The following LRRK2 variants were observed in gnomAD, a reference collection of about 807,000 sequenced individuals.
LRRK2 encodes leucine-rich repeat serine/threonine-protein kinase 2.
A neutral mutation model predicts 302.6 loss-of-function variants in LRRK2; 203 were observed. That is an observed-to-expected ratio of 0.67 (90% confidence interval 0.60 to 0.75). The LOEUF (loss-of-function observed/expected upper bound fraction) is 0.75. Among genes scored for constraint, LRRK2 ranks in the 30% least tolerant of loss-of-function variants. The pLI, the probability that LRRK2 is intolerant of heterozygous loss-of-function variation, is 0.00. For missense variants in LRRK2, 2,830 were observed against 2,951.0 expected (o/e 0.96, Z 0.95); for synonymous variants, 1,066 against 1,031.9 (o/e 1.03, Z -0.63).
rs1409731311 is a variant in LRRK2, at chr12:40,225,641, G to A, written c.237+1G>A. The A allele has an allele frequency of 6.2e-7, 1 of 1,611,406 alleles. No individual in the cohort carries two copies. The highest frequency in any genetic ancestry group is 8.5e-7 in the Non-Finnish European group (1 of 1,177,642). ...TATGAGAGTCGCGAGTGTGCAGCAG[G>A]TAAAGGCATTGTTTTCACTTCAACT... On this transcript the variant is annotated splice_donor_variant, in intron 2 of 50. Transcript: ENST00000298910. LOFTEE classifies it high-confidence loss of function.
chr12:40,249,775 A>T, intron 7 of LRRK2, 51 bp from the exon 8 acceptor site: 1 of 1,591,204 alleles, frequency 6.3e-7, no homozygotes. Context: ...TGTTAAAGGT[A>T]ATTTAACTTC....
intron 43 of LRRK2, among the ~76,000 whole-genome samples, chr12:40,350,519 A>T (rs1946318987): frequency 6.6e-6 from 1 of 152,088 alleles, no homozygotes; most frequent in Non-Finnish European, 1.5e-5. Context: ...CTGAAAGAGA[A>T]CTCTTGTCAT....
intron 45 of LRRK2, among the ~76,000 whole-genome samples, chr12:40,355,515 C>CCCTCCCTCCCTT (rs1946502687): frequency 2.2e-5 from 1 of 46,248 alleles, no homozygotes; most frequent in Non-Finnish European, 6.7e-5. Context: ...ATCCCTCCCT[C>CCCTCCCTCCCTT]CCTCCCTCCC....
chr12:40,310,849 A>G (rs1043257774), intron 31 of LRRK2, among the ~76,000 whole-genome samples, 200 bp downstream of exon 31: 2 of 152,090 alleles, frequency 1.3e-5, no homozygotes, highest in African/African-American at 4.8e-5. Context: ...GGAACAAAAA[A>G]TAATTAGAGG....
intron 44 of LRRK2, among the ~76,000 whole-genome samples, chr12:40,353,453 C>T (rs1485429052): frequency 1.3e-5 from 2 of 151,126 alleles, no homozygotes; most frequent in Non-Finnish European, 2.9e-5. Flanking sequence ...CTCATCACTT[C>T]CTAGACGGGA....
At chr12:40,301,993 A>G (rs1944646134) in intron 25 of LRRK2, among the ~76,000 whole-genome samples, 1 of 152,140 alleles carries the variant, frequency 6.6e-6, no homozygotes, top group Admixed American at 6.6e-5. Context: ...CCTGGCTAAC[A>G]TGGTGAAACC....
At chr12:40,232,223 C>A in intron 2 of LRRK2, 51 bp from the exon 3 acceptor site, 1 of 1,258,514 alleles carries the variant, frequency 7.9e-7, no homozygotes, top group Non-Finnish European at 1.2e-6. Flanking sequence ...ACTGAGTATG[C>A]TCTATTAACA....
At chr12:40,294,819 T>A (rs1364011128) in intron 21 of LRRK2, 26 bp from the exon 22 acceptor site, 19 of 1,323,164 alleles carry the variant, frequency 1.4e-5, no homozygotes, top group Non-Finnish European at 1.8e-5. Context: ...ATGACAGCAA[T>A]TTTATTATAA....
At chr12:40,278,357 C>A in intron 18 of LRRK2, 96 bp downstream of exon 18, 1 of 1,438,498 alleles carries the variant, frequency 7.0e-7, no homozygotes, top group East Asian at 2.3e-5. Flanking sequence ...TCATATTATT[C>A]TTCACTACAG....
chr12:40,266,283 A>G (rs1024144639), intron 14 of LRRK2, among the ~76,000 whole-genome samples: 1 of 152,166 alleles, frequency 6.6e-6, no homozygotes, highest in African/African-American at 2.4e-5. Context: ...TAGAATCTAC[A>G]ATGAACTCCA....
At chr12:40,229,800 T>G (rs544068776) in intron 2 of LRRK2, among the ~76,000 whole-genome samples, 1 of 152,344 alleles carries the variant, frequency 6.6e-6, no homozygotes, top group African/African-American at 2.4e-5. Context: ...AGATTCTATT[T>G]AATCACAGAA....
At chr12:40,359,034 T>C (rs1592340758) in intron 46 of LRRK2, among the ~76,000 whole-genome samples, 1 of 146,434 alleles carries the variant, frequency 6.8e-6, no homozygotes. Context: ...GTTGTTGTTG[T>C]ATAGATATGC....
chr12:40,326,419 T>A (rs1229224521), intron 38 of LRRK2, among the ~76,000 whole-genome samples: 2 of 144,316 alleles, frequency 1.4e-5, no homozygotes, highest in Non-Finnish European at 3.0e-5. Flanking sequence ...TGAGCCGAGA[T>A]CGCGCCACTG....
In LRRK2 at chr12:40,314,080, G is replaced by C. The variant is rs1565742982; in HGVS notation, c.4645G>C (p.Asp1549His). The C allele has an allele frequency of 6.2e-7, 1 of 1,612,588 alleles. No individual in the cohort carries two copies. ...KNVPIEFPVIDRKRLLQLVRE... is the reference protein window; with the variant it reads ...KNVPIEFPVIHRKRLLQLVRE... ...TGTGCCAATTGAATTTCCCGTAATT[G>C]ACCGGAAACGATTATTACAACTAGT... The change falls in exon 32 of 51, where the codon GAC (aspartate) becomes CAC (histidine). Residue 1549 changes from aspartate to histidine, a missense_variant. By Grantham distance (81) the Asp-to-His change is moderately conservative. Around this residue, in one of 3 missense-constraint regions of LRRK2, gnomAD observed 2,121 missense variants for 2,148.0 expected, o/e 0.99. Transcript: ENST00000298910.
intron 7 of LRRK2, among the ~76,000 whole-genome samples, chr12:40,244,673 G>A (rs899476240): frequency 8.9e-5 from 13 of 146,110 alleles, no homozygotes; most frequent in Admixed American, 8.5e-4. Flanking sequence ...TAATGTTTTG[G>A]TGGTAGGTTA....
At position 40,356,432 on chromosome 12, in the gene LRRK2, G is replaced by A. The variant is rs189165155; in HGVS notation, c.6843+245G>A. Among the ~76,000 whole-genome samples the A allele has an allele frequency of 4.2e-3, 645 of 152,168 alleles. 3 individuals carry two copies. The highest frequency in any genetic ancestry group is 6.9e-3 in the Non-Finnish European group (467 of 67,984). On this transcript the variant is annotated intron_variant, in intron 46 of 50. Transcript: ENST00000298910. ...AATGACATCTGATTGATAATATTGGGAATGGAAATAATTCAATTTGTACAT... is the reference window on the plus strand; with the variant it reads ...AATGACATCTGATTGATAATATTGGAAATGGAAATAATTCAATTTGTACAT...
intron 21 of LRRK2, 143 bp downstream of exon 21, chr12:40,293,806 G>T: frequency 1.7e-6 from 1 of 595,686 alleles, no homozygotes; most frequent in East Asian, 3.2e-5. Flanking sequence ...TTTTATATAT[G>T]TAATAGATAT....
intron 23 of LRRK2, 36 bp downstream of exon 23, chr12:40,295,680 T>C (rs1271187995): frequency 6.4e-7 from 1 of 1,574,726 alleles, no homozygotes. Context: ...TTCAAGACAT[T>C]TGAAGAGCTT....
chr12:40,276,013 G>A (rs1038419661), intron 16 of LRRK2, among the ~76,000 whole-genome samples: 1 of 152,098 alleles, frequency 6.6e-6, no homozygotes, highest in Admixed American at 6.5e-5. Flanking sequence ...GAGAATATGT[G>A]TAAAGTTTTT....
Sources: allele counts gnomAD v4.1 joint callset (sites outside exome capture counted in the v4.1 genomes callset), GRCh38; gene constraint gnomAD v4.1.1; regional missense constraint gnomAD v4.1.1; transcripts MANE v1.5; gene names NCBI Gene and HGNC (gene_info 2026-07-23, HGNC 2026-07-21).